Variants in FBH1 observed in about 807,000 individuals in gnomAD.
FBH1 encodes F-box DNA helicase 1, also known as DNA 3'-5' helicase 1.
FBH1 carries 43 observed loss-of-function variants against 115.5 expected under a neutral mutation model. That is an observed-to-expected ratio of 0.37 (90% confidence interval 0.29 to 0.48). The LOEUF (loss-of-function observed/expected upper bound fraction) is 0.48. Ranked by LOEUF, FBH1 falls within the 20% of genes least tolerant of loss-of-function variation. FBH1 has a pLI of 0.99. For missense variants in FBH1, 1,001 were observed against 1,337.3 expected, an observed-to-expected ratio of 0.75 and a Z score of 3.92; for synonymous variants, 524 against 507.8, an observed-to-expected ratio of 1.03 and a Z score of -0.43.
chr10:5,926,119 CTTA>C (rs1832637347), intron 18 of FBH1, among the ~76,000 whole-genome samples: 2 of 103,694 alleles, frequency 1.9e-5, no homozygotes, highest in East Asian at 1.6e-3. Flanking sequence ...TCTTATTCTT[CTTA>C]TTATTATTAT....
At chr10:5,898,082 C>G (rs1843116278) in intron 1 of FBH1, among the ~76,000 whole-genome samples, 1 of 152,200 alleles carries the variant, frequency 6.6e-6, no homozygotes, top group Non-Finnish European at 1.5e-5. Context: ...ATTCTTCTCC[C>G]TGCTCCTCAT....
intron 9 of FBH1, 125 bp from the exon 10 acceptor site, chr10:5,916,109 A>G (rs668498): frequency 0.41 from 343,094 of 839,148 alleles, 75,848 homozygotes; most frequent in East Asian, 0.73. Flanking sequence ...GCTTTAAAAC[A>G]TTAACACTCG....
chr10:5,927,230 G>A (rs182121717), intron 18 of FBH1, among the ~76,000 whole-genome samples: 227 of 152,262 alleles, frequency 1.5e-3, no homozygotes, highest in Middle Eastern at 6.8e-3. Context: ...AATAAAACCC[G>A]GTATTTTGTG....
At position 5,917,318 on chromosome 10, in the gene FBH1, A is replaced by T. The variant is rs993581295; in HGVS notation, c.1789-102A>T. The T allele has an allele frequency of 1.1e-6, 1 of 921,118 alleles. No individual in the cohort carries two copies. The highest frequency in any genetic ancestry group is 1.6e-5 in the African/African-American group (1 of 61,876). 57.1% of individuals were successfully genotyped at this position (921,118 alleles called of 1,614,324 possible). A position where few individuals can be genotyped will look rare whatever the true frequency, so the allele number is the denominator to read the frequency against. On this transcript the variant is annotated intron_variant, in intron 10 of 20. Transcript: ENST00000362091. This position sits in a 1 kb window ranked among gnomAD's most constrained non-coding sequence, Gnocchi z 5.6. ...TGTCTGCGGTCCCCCTTCTGTGAGG[A>T]TGCCCTGGCTCCACTGCTGTATGGG...
At chr10:5,912,504 C>T (rs1003653111) in intron 6 of FBH1, among the ~76,000 whole-genome samples, 3 of 4,166 alleles carry the variant, frequency 7.2e-4, no homozygotes, top group Middle Eastern at 0.5. Context: ...GGCTGGGGGC[C>T]GGGGGAGGGG....
Position 5,890,333 on chromosome 10 carries a change from T to G in FBH1, c.-13T>G. ...GGCGGCGGCGGCAGCGGGGTCCGGG[T>G]CCGGAGCGCCACAGTGCGTGAGGCC... is the stretch of plus-strand genomic sequence containing the variant. On this transcript the variant is annotated 5_prime_UTR_variant, in exon 1 of 21. Coordinates refer to ENST00000362091, the MANE Select transcript of FBH1 (RefSeq NM_178150.3). 1 of 376,762 alleles carries G rather than the reference T, an allele frequency of 2.7e-6. No homozygotes were observed. The highest frequency in any genetic ancestry group is 7.1e-4 in the Middle Eastern group (1 of 1,400). 23.3% of individuals were successfully genotyped at this position (376,762 alleles called of 1,614,324 possible). A position where few individuals can be genotyped will look rare whatever the true frequency, so the allele number is the denominator to read the frequency against.
intron 13 of FBH1, among the ~76,000 whole-genome samples, chr10:5,920,269 C>T (rs897777989): frequency 4.6e-5 from 7 of 152,214 alleles, no homozygotes; most frequent in African/African-American, 9.6e-5. Context: ...AGAGGTGAAG[C>T]GCCATTTTCA....
chr10:5,905,998 G>A (rs530438566), intron 2 of FBH1, 39 bp from the exon 3 acceptor site: 14 of 1,449,388 alleles, frequency 9.7e-6, no homozygotes, highest in African/African-American at 2.8e-5. Context: ...AACAGTCATC[G>A]TTCATTTCTT....
rs762139053 is a variant in FBH1 at position 5,937,071 on chromosome 10, G to A, written c.2962-39G>A. On this transcript the variant is annotated intron_variant, in intron 20 of 20. Coordinates refer to ENST00000362091, the MANE Select transcript of FBH1 (RefSeq NM_178150.3). ...TTTGCTGGAAAATCCATGTTCTTTG[G>A]TTGTTCCCCTTAGCTCTCTCTCTTG... The A allele has an allele frequency of 5.2e-6, 8 of 1,537,326 alleles. No homozygotes were observed. The Admixed American group carries it at 6.1e-5, about 12-fold the overall frequency.
At chr10:5,893,527 G>A (rs932058426) in intron 1 of FBH1, among the ~76,000 whole-genome samples, 4 of 152,146 alleles carry the variant, frequency 2.6e-5, no homozygotes, top group African/African-American at 9.7e-5. Flanking sequence ...CCACTCTAGT[G>A]CATTGTTAAT....
chr10:5,930,635 C>T (rs1004984055), intron 19 of FBH1, among the ~76,000 whole-genome samples: 12 of 152,112 alleles, frequency 7.9e-5, no homozygotes, highest in African/African-American at 2.7e-4. Context: ...AGTTTTTCCC[C>T]GTTAGTGATG....
In FBH1 at chr10:5,908,953, G is replaced by A. The variant is rs753818889; in HGVS notation, c.782G>A (p.Arg261Gln). 19 of 1,613,908 alleles carry A rather than the reference G, an allele frequency of 1.2e-5. No individual in the cohort carries two copies. The highest frequency in any genetic ancestry group is 3.3e-5 in the Admixed American group (2 of 59,988). ...LFIPWKKLYH[R>Q]YLMNEEQAVS... ...ATTCCTTGGAAGAAGCTGTACCATC[G>A]ATACCTGATGAATGAAGAGCAAGCT... The change falls in exon 4 of 21, where the codon CGA becomes CAA. Residue 261 changes from arginine to glutamine, a missense_variant. This residue lies in a region of FBH1 where 420 missense variants were observed against 430.4 expected (regional missense o/e 0.98). Coordinates refer to ENST00000362091, the MANE Select transcript of FBH1 (RefSeq NM_178150.3).
chr10:5,906,348 A>C lies in FBH1; in HGVS notation c.469A>C (p.Thr157Pro). The C allele has an allele frequency of 6.2e-7, 1 of 1,614,244 alleles. No homozygotes were observed. The highest frequency in any genetic ancestry group is 8.5e-7 in the Non-Finnish European group (1 of 1,180,030). The change falls in exon 3 of 21, where the codon ACA becomes CCA. Residue 157 changes from threonine (T) to proline (P), a missense_variant. Transcript: ENST00000362091. The surrounding 1 kb of genome is among the most constrained non-coding windows in gnomAD (Gnocchi z 7.3). Reference protein sequence around the residue: ...APRHHLSVPCTRPREARQEAE... With the variant: ...APRHHLSVPCPRPREARQEAE... ...ACGGCACCATTTGTCTGTGCCATGCACAAGGCCTAGGGAGGCCAGGCAAGA... is the reference window on the plus strand; with the variant it reads ...ACGGCACCATTTGTCTGTGCCATGCCCAAGGCCTAGGGAGGCCAGGCAAGA...
At chr10:5,908,375 C>T (rs1843855375) in intron 3 of FBH1, among the ~76,000 whole-genome samples, 1 of 152,132 alleles carries the variant, frequency 6.6e-6, no homozygotes, top group African/African-American at 2.4e-5. Flanking sequence ...CCCTGAGTTA[C>T]GTGTACTAAT....
chr10:5,931,727 T>A lies in FBH1; in HGVS notation c.2829+4186T>A, dbSNP rs1238789348. On this transcript the variant is annotated intron_variant, in intron 19 of 20. Transcript: ENST00000362091. This position sits in a 1 kb window ranked among gnomAD's most constrained non-coding sequence, Gnocchi z 4.3. ...AGTAAGTCCTTTTTGCTTTTGTGGT[T>A]TTATTACCAACTTAATTTGCAGTTA... Among the ~76,000 whole-genome samples the A allele has an allele frequency of 6.6e-6, 1 of 152,222 alleles. No individual in the cohort carries two copies. Among genetic ancestry groups the A allele is most frequent in the African/African-American group, 2.4e-5 (1 of 41,452 alleles).
chr10:5,909,094 G>A lies in FBH1; in HGVS notation c.884+39G>A. 6.2e-7 allele frequency: 1 copy of A among 1,613,794 alleles called. No individual in the cohort carries two copies. The highest frequency in any genetic ancestry group is 1.3e-5 in the African/African-American group (1 of 75,066). On this transcript the variant is annotated intron_variant, in intron 4 of 20. Transcript: ENST00000362091. The surrounding 1 kb of genome is among the most constrained non-coding windows in gnomAD (Gnocchi z 4.4). ...GTGCTGTAAAGAAGGCGTCTTTGAA[G>A]TCTTCCTTGTACATCAGTGCTTATG...
At chr10:5,896,544 G>A (rs1843014350) in intron 1 of FBH1, among the ~76,000 whole-genome samples, 2 of 152,262 alleles carry the variant, frequency 1.3e-5, no homozygotes, top group African/African-American at 4.8e-5. Context: ...GTACATTCTG[G>A]TTTTTCTACC....
intron 1 of FBH1, among the ~76,000 whole-genome samples, chr10:5,896,231 C>T (rs1430735721): frequency 1.3e-5 from 2 of 152,056 alleles, no homozygotes; most frequent in Admixed American, 1.3e-4. Flanking sequence ...ATCGGGGGAC[C>T]TCACCAGGGC....
Position 5,895,192 on chromosome 10 carries a change from G to A in FBH1, c.1+4846G>A, listed in dbSNP as rs1269575874. On this transcript the variant is annotated intron_variant, in intron 1 of 20. Transcript: ENST00000362091. The surrounding 1 kb of genome is among the most constrained non-coding windows in gnomAD (Gnocchi z 5.0). ...TCTTCACAGAGCACGCTGAAAGTAA[G>A]AGGCATGTGGGAAACTGACCAGGGC... The A allele has an allele frequency of 1.2e-6, 2 of 1,611,126 alleles. No homozygotes were observed.
Sources: allele counts gnomAD v4.1 joint callset (sites outside exome capture counted in the v4.1 genomes callset), GRCh38; gene constraint gnomAD v4.1.1; regional missense constraint gnomAD v4.1.1; non-coding constraint Gnocchi (gnomAD v3.1); transcripts MANE v1.5; gene names NCBI Gene and HGNC (gene_info 2026-07-23, HGNC 2026-07-21).